Variants in SLC8A1 observed in about 807,000 individuals in gnomAD.
The protein encoded by SLC8A1 is solute carrier family 8 member A1, also known as sodium/calcium exchanger 1.
Under a neutral mutation model 68.3 loss-of-function variants are expected in SLC8A1, and 18 were observed. The ratio of observed to expected loss-of-function variants is 0.26; its 90% CI spans 0.18 to 0.39. The LOEUF (loss-of-function observed/expected upper bound fraction) is 0.39, where lower values mean the gene tolerates loss of function less well. Ranked by LOEUF, SLC8A1 falls within the 10% of genes least tolerant of loss-of-function variation. The pLI is 1.00. For synonymous variants in SLC8A1, 475 were observed against 415.5 expected, an observed-to-expected ratio of 1.14 and a Z score of -1.74; for missense variants, 985 against 1,156.7, an observed-to-expected ratio of 0.85 and a Z score of 2.15.
intron 1 of SLC8A1, among the ~76,000 whole-genome samples, chr2:40,499,927 C>T (rs911627107): frequency 1.3e-5 from 2 of 151,932 alleles, no homozygotes; most frequent in Non-Finnish European, 2.9e-5. Context: ...TCCATGGAGC[C>T]ACAAGCACAA....
chr2:40,356,625 A>G (rs911684933), intron 2 of SLC8A1, among the ~76,000 whole-genome samples: 7 of 151,346 alleles, frequency 4.6e-5, no homozygotes, highest in African/African-American at 1.5e-4. Flanking sequence ...ACTGCCTGTC[A>G]AATGTATTGG....
intron 1 of SLC8A1, among the ~76,000 whole-genome samples, chr2:40,478,204 A>G (rs1313402082): frequency 1.3e-5 from 2 of 148,236 alleles, no homozygotes; most frequent in Non-Finnish European, 3.0e-5. Context: ...TGATATCTCC[A>G]CACAAGCTGA....
At chr2:40,247,258 G>C (rs113672762) in intron 2 of SLC8A1, among the ~76,000 whole-genome samples, 14 of 152,318 alleles carry the variant, frequency 9.2e-5, no homozygotes, top group African/African-American at 3.4e-4. Flanking sequence ...GAGCTGTCAT[G>C]GGTGCAGGCA....
Position 40,487,963 on chromosome 2 carries a change from G to A in SLC8A1, c.-25+24386C>T, listed in dbSNP as rs550741864. 2.0e-5 allele frequency among the ~76,000 whole-genome samples: 3 copies of A among 152,252 alleles called. No individual in the cohort carries two copies. The South Asian group carries it at 6.2e-4, about 32-fold the overall frequency. Reference sequence around the variant, plus strand: ...GAAAAACGATACTACCAGCCACAGGGAAAGAGAATTTTAAAAATAATCATA... The same window carrying A: ...GAAAAACGATACTACCAGCCACAGGAAAAGAGAATTTTAAAAATAATCATA... On this transcript the variant is annotated intron_variant, in intron 1 of 7. Transcript: ENST00000402441.
chr2:40,491,346 C>A (rs547253472), intron 1 of SLC8A1, among the ~76,000 whole-genome samples: 11 of 152,216 alleles, frequency 7.2e-5, no homozygotes, highest in Non-Finnish European at 1.3e-4. Flanking sequence ...TATCCTGAGA[C>A]TTTGCTGAAG....
chr2:40,474,994 G>C (rs1010532282), intron 1 of SLC8A1, among the ~76,000 whole-genome samples: 32 of 152,054 alleles, frequency 2.1e-4, no homozygotes, highest in Admixed American at 9.8e-4. Context: ...AAGTGATCGA[G>C]GTTACTAATA....
chr2:40,431,909 A>G (rs558639383), intron 1 of SLC8A1, among the ~76,000 whole-genome samples: 2 of 152,274 alleles, frequency 1.3e-5, no homozygotes, highest in Non-Finnish European at 2.9e-5. Context: ...AAAGCCCTTT[A>G]TAGCTCATCA....
At chr2:40,387,623 T>G (rs1438156049) in intron 2 of SLC8A1, among the ~76,000 whole-genome samples, 1 of 151,328 alleles carries the variant, frequency 6.6e-6, no homozygotes, top group Non-Finnish European at 1.5e-5. Flanking sequence ...TGAACTAGAC[T>G]TATCAGGAGG....
At chr2:40,466,383 C>A (rs1703673609) in intron 1 of SLC8A1, among the ~76,000 whole-genome samples, 1 of 152,190 alleles carries the variant, frequency 6.6e-6, no homozygotes, top group Admixed American at 6.5e-5. Context: ...AGCAAAGAAG[C>A]TTCACAGGGG....
intron 1 of SLC8A1, among the ~76,000 whole-genome samples, chr2:40,473,778 C>T (rs1456563817): frequency 1.3e-5 from 2 of 152,072 alleles, no homozygotes; most frequent in Non-Finnish European, 2.9e-5. Flanking sequence ...ATAGACTTTT[C>T]CTTTTACACA....
intron 1 of SLC8A1, among the ~76,000 whole-genome samples, chr2:40,500,037 G>T (rs1434598286): frequency 1.3e-5 from 2 of 151,994 alleles, no homozygotes; most frequent in Non-Finnish European, 1.5e-5. Flanking sequence ...TTAGTGTGTT[G>T]TTGTTTCTAG....
intron 7 of SLC8A1, among the ~76,000 whole-genome samples, chr2:40,132,663 G>A (rs1441726021): frequency 6.6e-6 from 1 of 152,084 alleles, no homozygotes; most frequent in Non-Finnish European, 1.5e-5. Flanking sequence ...ATAGCTAACT[G>A]TTTTTCTCAG....
chr2:40,285,090 T>G (rs1421424610), intron 2 of SLC8A1, among the ~76,000 whole-genome samples: 1 of 152,170 alleles, frequency 6.6e-6, no homozygotes, highest in African/African-American at 2.4e-5. Flanking sequence ...ATGGCAGCAT[T>G]GCTTCCTTCA....
intron 2 of SLC8A1, among the ~76,000 whole-genome samples, chr2:40,316,824 C>A (rs1203567734): frequency 1.3e-5 from 2 of 152,070 alleles, no homozygotes; most frequent in Non-Finnish European, 2.9e-5. Flanking sequence ...TCTCAGAGTG[C>A]CCAACATGTA....
chr2:40,229,225 A>G (rs529191787), intron 2 of SLC8A1, among the ~76,000 whole-genome samples: 112 of 152,272 alleles, frequency 7.4e-4, no homozygotes, highest in African/African-American at 2.5e-3. Flanking sequence ...AGAGGTATCA[A>G]TTAGAGAAAC....
intron 2 of SLC8A1, chr2:40,208,934 T>A (rs953972260): frequency 6.6e-6 from 1 of 152,160 alleles, no homozygotes; most frequent in Non-Finnish European, 1.5e-5. Flanking sequence ...TTAGTCCAGA[T>A]GTCAGACATC....
intron 2 of SLC8A1, among the ~76,000 whole-genome samples, chr2:40,259,261 T>A (rs2064363293): frequency 6.6e-6 from 1 of 152,170 alleles, no homozygotes; most frequent in Non-Finnish European, 1.5e-5. Flanking sequence ...AATAGAAGCC[T>A]TCCATTACAA....
intron 2 of SLC8A1, among the ~76,000 whole-genome samples, chr2:40,307,673 T>C (rs745862155): frequency 6.6e-6 from 1 of 152,190 alleles, no homozygotes; most frequent in East Asian, 1.9e-4. Flanking sequence ...TTTACATAAG[T>C]AGCCAAGCTC....
chr2:40,306,457 G>GC (rs1256009319), intron 2 of SLC8A1, among the ~76,000 whole-genome samples: 1 of 147,640 alleles, frequency 6.8e-6, no homozygotes, highest in South Asian at 2.2e-4. Context: ...GGTTGTGGGG[G>GC]GGGGCATAGC....
Sources: allele counts gnomAD v4.1 joint callset (sites outside exome capture counted in the v4.1 genomes callset), GRCh38; gene constraint gnomAD v4.1.1; transcripts MANE v1.5; gene names NCBI Gene and HGNC (gene_info 2026-07-23, HGNC 2026-07-21).